Variants in TINAGL1 observed in about 807,000 individuals in gnomAD.
TINAGL1 encodes tubulointerstitial nephritis antigen-like.
Under a neutral mutation model 62.0 loss-of-function variants are expected in TINAGL1, and 34 were observed. That is an observed-to-expected ratio of 0.55 (90% confidence interval 0.42 to 0.73). The LOEUF (loss-of-function observed/expected upper bound fraction) is 0.73. TINAGL1 is among the 30% of genes least tolerant of loss of function. TINAGL1 has a pLI of 0.00. For synonymous variants in TINAGL1, 221 were observed against 249.7 expected (o/e 0.88, Z 1.08); for missense variants, 516 against 653.2 (o/e 0.79, Z 2.29).
intron 3 of TINAGL1, among the ~76,000 whole-genome samples, chr1:31,582,770 GAA>G (rs1351324057): frequency 6.6e-6 from 1 of 152,048 alleles, no homozygotes; most frequent in East Asian, 1.9e-4. Context: ...CATGGGAAAG[GAA>G]GTCAGCGGGG....
chr1:31,581,031 A>G (rs925599820), intron 3 of TINAGL1, among the ~76,000 whole-genome samples: 1 of 152,178 alleles, frequency 6.6e-6, no homozygotes, highest in Non-Finnish European at 1.5e-5. Context: ...TTATGCTGAG[A>G]CCAGGGAGAA....
At chr1:31,581,702 G>A (rs1326270477) in intron 3 of TINAGL1, among the ~76,000 whole-genome samples, 1 of 152,138 alleles carries the variant, frequency 6.6e-6, no homozygotes, top group Non-Finnish European at 1.5e-5. Flanking sequence ...ACTTAATGAT[G>A]GACCAGGCCC....
chr1:31,582,664 C>A (rs1033976870), intron 3 of TINAGL1, among the ~76,000 whole-genome samples: 1 of 152,096 alleles, frequency 6.6e-6, no homozygotes. Flanking sequence ...GAGAGGTGAT[C>A]GGACTTGGGC....
Position 31,579,244 on chromosome 1 carries a change from G to T in TINAGL1, c.351G>T (p.Thr117=). 6.2e-7 allele frequency: 1 copy of T among 1,614,064 alleles called. No individual in the cohort carries two copies. The highest frequency in any genetic ancestry group is 8.5e-7 in the Non-Finnish European group (1 of 1,179,976). The stretch of plus-strand genomic sequence containing the variant: ...GTCGTATCTATCCAGTCTTGGGAAC[G>T]TACTGGGACAACTGTAACCGTTGGT... ...HGGRIYPVLG[T]YWDNCNRCTC... The change falls in exon 3 of 12, where the codon ACG becomes ACT. Residue 117 remains threonine, a synonymous_variant. Coordinates refer to ENST00000271064, the MANE Select transcript of TINAGL1 (RefSeq NM_022164.3).
In TINAGL1 at chr1:31,578,989, A is replaced by G. The variant is rs1210289532; in HGVS notation, c.311-215A>G. On this transcript the variant is annotated intron_variant, in intron 2 of 11. Coordinates refer to ENST00000271064, the MANE Select transcript of TINAGL1 (RefSeq NM_022164.3). ...ATGCCTTCAGTTATAGTTTAATTTT[A>G]GTGACAGCTGGTGTGTGTGTGTGTG... Among the ~76,000 whole-genome samples, 2 of 98,662 alleles carry G rather than the reference A, an allele frequency of 2.0e-5. 1 individual carries two copies. The highest frequency in any genetic ancestry group is 5.3e-4 in the East Asian group (2 of 3,772). 64.7% of individuals were successfully genotyped at this position (98,662 alleles called of 152,430 possible).
chr1:31,585,153 T>C lies in TINAGL1; in HGVS notation c.860T>C (p.Val287Ala), dbSNP rs1639353846. Residue 287 changes from valine (V) to alanine (A), a missense_variant and splice_region_variant, in exon 8 of 12, where the codon GTG becomes GCG. Val to Ala is a moderately conservative substitution (Grantham distance 64). Coordinates refer to ENST00000271064, the MANE Select transcript of TINAGL1 (RefSeq NM_022164.3). The surrounding 1 kb of genome is among the most constrained non-coding windows in gnomAD (Gnocchi z 4.3). ...GCTCCCTCTTGCTGCCTTTGCAGGGTGGTGTCTGACCACTGCTACCCCTTC... is the reference window on the plus strand; with the variant it reads ...GCTCCCTCTTGCTGCCTTTGCAGGGCGGTGTCTGACCACTGCTACCCCTTC... ...GAWWFLRRRG[V>A]VSDHCYPFSG... 1 of 1,574,554 alleles carries C rather than the reference T, an allele frequency of 6.4e-7. No individual in the cohort carries two copies. The highest frequency in any genetic ancestry group is 8.6e-7 in the Non-Finnish European group (1 of 1,157,662).
chr1:31,578,412 T>G (rs527346279), intron 2 of TINAGL1, among the ~76,000 whole-genome samples: 2 of 144,418 alleles, frequency 1.4e-5, no homozygotes, highest in South Asian at 4.7e-4. Flanking sequence ...CCTTCAGTTA[T>G]AGTTTAATTT....
rs1003684988 is a variant in TINAGL1, at chr1:31,584,260, C to T, written c.583-418C>T. 1 of 185,318 alleles carries T rather than the reference C, an allele frequency of 5.4e-6. No individual in the cohort carries two copies. Among genetic ancestry groups the T allele is most frequent in the Non-Finnish European group, 1.1e-5 (1 of 87,410 alleles). 11.5% of individuals were successfully genotyped at this position (185,318 alleles called of 1,614,324 possible). The stretch of plus-strand genomic sequence containing the variant: ...GCCTCTTGCTGTTTGTGTTGGCAGA[C>T]TGCCTGGTCACGGGACCCTACTGCC... On this transcript the variant is annotated intron_variant, in intron 5 of 11. Coordinates refer to ENST00000271064, the MANE Select transcript of TINAGL1 (RefSeq NM_022164.3). This position sits in a 1 kb window ranked among gnomAD's most constrained non-coding sequence, Gnocchi z 4.0.
Position 31,577,691 on chromosome 1 carries a change from T to C in TINAGL1, c.310+233T>C. On this transcript the variant is annotated intron_variant, in intron 2 of 11. Transcript: ENST00000271064. This position sits in a 1 kb window ranked among gnomAD's most constrained non-coding sequence, Gnocchi z 5.4. ...AACCTCCCACATTTTCTCCCAATCC[T>C]GTCTCTTTTCCAGACACGGAAGGTG... 1 of 556,542 alleles carries C rather than the reference T, an allele frequency of 1.8e-6. No individual in the cohort carries two copies. Among genetic ancestry groups the C allele is most frequent in the Non-Finnish European group, 3.1e-6 (1 of 321,104 alleles). The allele number at this position is 556,542 out of a possible 1,614,324, so 34.5% of individuals were successfully genotyped here. A position where few individuals can be genotyped will look rare whatever the true frequency, so the allele number is the denominator to read the frequency against.
At position 31,585,573 on chromosome 1, in the gene TINAGL1, C is replaced by T; in HGVS notation, c.1093+88C>T. On this transcript the variant is annotated intron_variant, in intron 9 of 11. Coordinates refer to ENST00000271064, the MANE Select transcript of TINAGL1 (RefSeq NM_022164.3). The surrounding 1 kb of genome is among the most constrained non-coding windows in gnomAD (Gnocchi z 4.3). ...TAGCACAAGTGGCCTGCACAGCATT[C>T]AGCAGCATGTCCAGTAGGGCCAGGA... 6.3e-7 allele frequency: 1 copy of T among 1,577,560 alleles called. No individual in the cohort carries two copies. Among genetic ancestry groups the T allele is most frequent in the Non-Finnish European group, 8.6e-7 (1 of 1,157,788 alleles).
chr1:31,577,276 C>G lies in TINAGL1; in HGVS notation c.128C>G (p.Ala43Gly), dbSNP rs781250728. 2.5e-6 allele frequency: 4 copies of G among 1,612,314 alleles called. No homozygotes were observed. The highest frequency in any genetic ancestry group is 3.4e-6 in the Non-Finnish European group (4 of 1,179,554). The change falls in exon 2 of 12, where the codon GCG (alanine) becomes GGG (glycine). Residue 43 changes from alanine (A) to glycine (G), a missense_variant. Coordinates refer to ENST00000271064, the MANE Select transcript of TINAGL1 (RefSeq NM_022164.3). The surrounding 1 kb of genome is among the most constrained non-coding windows in gnomAD (Gnocchi z 5.4). ...CTGCACCTGCGGGGCATCCGGGACG[C>G]GGGAGGCCGGTACTGCCAGGAGCAG... ...PGLHLRGIRD[A>G]GGRYCQEQDL...
chr1:31,578,378 A>ATGTG (rs1344295069), intron 2 of TINAGL1, among the ~76,000 whole-genome samples: 2 of 57,418 alleles, frequency 3.5e-5, no homozygotes, highest in South Asian at 6.1e-4. Context: ...GAGAGCTGGT[A>ATGTG]TGTGTGTGTG....
chr1:31,578,066 C>A, intron 2 of TINAGL1: 3 of 784,564 alleles, frequency 3.8e-6, no homozygotes, highest in Non-Finnish European at 4.6e-6. Context: ...TCCTCCCACT[C>A]CCCATCTCCA....
At position 31,576,799 on chromosome 1, in the gene TINAGL1, G is replaced by A. The variant is rs1342687476; in HGVS notation, c.-16+204G>A. 1.3e-5 allele frequency among the ~76,000 whole-genome samples: 2 copies of A among 152,148 alleles called. No individual in the cohort carries two copies. The highest frequency in any genetic ancestry group is 4.8e-5 in the African/African-American group (2 of 41,450). ...TCAAGGACCCAGGTCAGGGATGGAGGCTGCTGGAGGGCAGAGAGACCTAGG... is the reference window on the plus strand; with the variant it reads ...TCAAGGACCCAGGTCAGGGATGGAGACTGCTGGAGGGCAGAGAGACCTAGG... On this transcript the variant is annotated intron_variant, in intron 1 of 11. Coordinates refer to ENST00000271064, the MANE Select transcript of TINAGL1 (RefSeq NM_022164.3). This position sits in a 1 kb window ranked among gnomAD's most constrained non-coding sequence, Gnocchi z 5.1.
At position 31,581,899 on chromosome 1, in the gene TINAGL1, T is replaced by C. The variant is rs535991899; in HGVS notation, c.375-1250T>C. 2.8e-4 allele frequency among the ~76,000 whole-genome samples: 42 copies of C among 152,302 alleles called. No homozygotes were observed. In the East Asian group the frequency reaches 4.8e-3, roughly 17 times the overall value. Reference sequence around the variant, plus strand: ...CCATGCTCTTAGTCAATTCAGCATATGGCCTCAGTCATTGACTCAGTTAAC... The same window carrying C: ...CCATGCTCTTAGTCAATTCAGCATACGGCCTCAGTCATTGACTCAGTTAAC... On this transcript the variant is annotated intron_variant, in intron 3 of 11. Coordinates refer to ENST00000271064, the MANE Select transcript of TINAGL1 (RefSeq NM_022164.3).
intron 10 of TINAGL1, chr1:31,586,277 C>T (rs377472394): frequency 1.1e-4 from 34 of 313,994 alleles, no homozygotes; most frequent in African/African-American, 6.5e-4. Flanking sequence ...TCAATGAACT[C>T]GGTGAAATGT....
rs759999885 is a variant in TINAGL1, at chr1:31,577,186, C to T, written c.38C>T (p.Pro13Leu). 4.3e-5 allele frequency: 68 copies of T among 1,580,224 alleles called. No individual in the cohort carries two copies. The highest frequency in any genetic ancestry group is 1.8e-4 in the Middle Eastern group (1 of 5,474). The change falls in exon 2 of 12, where the codon CCG becomes CTG. Residue 13 changes from proline to leucine, a missense_variant. Pro to Leu is a moderately conservative substitution (Grantham distance 98). Coordinates refer to ENST00000271064, the MANE Select transcript of TINAGL1 (RefSeq NM_022164.3). This position sits in a 1 kb window ranked among gnomAD's most constrained non-coding sequence, Gnocchi z 5.4. ...CCACTGGGGCTACTGCTGTTGCTGCCGCTGGCTGGCCACTTGGCTCTGGGT... is the reference window on the plus strand; with the variant it reads ...CCACTGGGGCTACTGCTGTTGCTGCTGCTGGCTGGCCACTTGGCTCTGGGT... ...RCPLGLLLLL[P>L]LAGHLALGAQ...
At position 31,579,195 on chromosome 1, in the gene TINAGL1, T is replaced by C; in HGVS notation, c.311-9T>C. ...CTGGTTCCACTTCTCTTCTCTTCCCTTCCAACAGGATGTATGCATGGAGGT... is the reference window on the plus strand; with the variant it reads ...CTGGTTCCACTTCTCTTCTCTTCCCCTCCAACAGGATGTATGCATGGAGGT... On this transcript the variant is annotated splice_polypyrimidine_tract_variant and intron_variant, in intron 2 of 11. Transcript: ENST00000271064. The C allele has an allele frequency of 6.2e-7, 1 of 1,613,686 alleles. No homozygotes were observed. Among genetic ancestry groups the C allele is most frequent in the Non-Finnish European group, 8.5e-7 (1 of 1,179,600 alleles).
At chr1:31,586,544 G>A (rs45611233) in intron 10 of TINAGL1, 166 bp from the exon 11 acceptor site, 117,366 of 754,734 alleles carry the variant, frequency 0.16, 10,306 homozygotes, top group Middle Eastern at 0.21. Context: ...ACTTACAGAT[G>A]TGAGAGTGAG....
Sources: allele counts gnomAD v4.1 joint callset (sites outside exome capture counted in the v4.1 genomes callset), GRCh38; gene constraint gnomAD v4.1.1; non-coding constraint Gnocchi (gnomAD v3.1); transcripts MANE v1.5; gene names NCBI Gene and HGNC (gene_info 2026-07-23, HGNC 2026-07-21).